Variants in GPC5 observed in about 807,000 individuals in gnomAD.
GPC5 encodes the protein glypican-5.
Under a neutral mutation model 53.9 loss-of-function variants are expected in GPC5, and 47 were observed. The observed-to-expected ratio is 0.87, with a 90% confidence interval of 0.69 to 1.11. The LOEUF (loss-of-function observed/expected upper bound fraction) is 1.11. Among genes scored for constraint, GPC5 ranks in the 50% most tolerant of loss-of-function variants. The pLI, the probability that GPC5 is intolerant of heterozygous loss-of-function variation, is 0.00. For missense variants in GPC5, 748 were observed against 713.1 expected (o/e 1.05, Z -0.56); for synonymous variants, 286 against 263.3 (o/e 1.09, Z -0.84).
chr13:92,331,570 T>C (rs1926636), intron 7 of GPC5, among the ~76,000 whole-genome samples: 116,348 of 152,118 alleles, frequency 0.76, 45,756 homozygotes, highest in African/African-American at 0.95. Context: ...GCAGTGTTAA[T>C]AACTGGTAAG....
intron 7 of GPC5, among the ~76,000 whole-genome samples, chr13:92,433,166 T>C (rs1566588455): frequency 6.6e-6 from 1 of 151,328 alleles, no homozygotes; most frequent in Non-Finnish European, 1.5e-5. Context: ...AGAAGAAAAA[T>C]AGAATATTTG....
At chr13:91,808,792 C>G (rs1307500963) in intron 5 of GPC5, among the ~76,000 whole-genome samples, 1 of 152,134 alleles carries the variant, frequency 6.6e-6, no homozygotes, top group Non-Finnish European at 1.5e-5. Context: ...GTCCCTGCCA[C>G]TCACATAGAA....
intron 2 of GPC5, among the ~76,000 whole-genome samples, chr13:91,546,799 C>T (rs1953618): frequency 1 from 152,175 of 152,214 alleles, 76,068 homozygotes; most frequent in Middle Eastern, 1. Flanking sequence ...TTGAAAGAAG[C>T]TTATTAAGTG....
chr13:92,155,625 G>A (rs1017599001), intron 7 of GPC5, among the ~76,000 whole-genome samples: 1 of 151,684 alleles, frequency 6.6e-6, no homozygotes, highest in Non-Finnish European at 1.5e-5. Context: ...TTTGATCTTC[G>A]CTCAAATTCT....
intron 7 of GPC5, among the ~76,000 whole-genome samples, chr13:92,200,660 C>G (rs72636821): frequency 0.16 from 23,614 of 152,252 alleles, 2,012 homozygotes; most frequent in Middle Eastern, 0.19. Context: ...TCTAAAAATT[C>G]CAGCTTTCAG....
intron 1 of GPC5, among the ~76,000 whole-genome samples, chr13:91,423,284 T>C (rs897851310): frequency 1.3e-5 from 2 of 152,264 alleles, no homozygotes; most frequent in Admixed American, 1.3e-4. Context: ...AGCTTTTTAG[T>C]AGACATTTGT....
intron 2 of GPC5, among the ~76,000 whole-genome samples, chr13:91,566,323 T>C (rs145209878): frequency 0.06 from 9,197 of 152,192 alleles, 357 homozygotes; most frequent in Non-Finnish European, 0.086. Flanking sequence ...CCCAGCACTT[T>C]GGGAGGCTGA....
At chr13:91,793,620 T>C (rs115789508) in intron 5 of GPC5, among the ~76,000 whole-genome samples, 2,134 of 152,220 alleles carry the variant, frequency 0.014, 45 homozygotes, top group African/African-American at 0.048. Flanking sequence ...ATTTTCACAC[T>C]GCTATAAAGA....
intron 2 of GPC5, among the ~76,000 whole-genome samples, chr13:91,653,333 A>T (rs2034764248): frequency 6.6e-6 from 1 of 152,118 alleles, no homozygotes; most frequent in Admixed American, 6.5e-5. Flanking sequence ...CAAACAATTG[A>T]ACTCATGAAC....
chr13:91,964,168 A>C (rs2040156408), intron 6 of GPC5, among the ~76,000 whole-genome samples: 1 of 152,140 alleles, frequency 6.6e-6, no homozygotes, highest in Non-Finnish European at 1.5e-5. Context: ...TTCAGGATTG[A>C]AGCTGCAGAC....
At chr13:92,507,451 TA>T (rs1470675981) in intron 7 of GPC5, among the ~76,000 whole-genome samples, 1 of 152,218 alleles carries the variant, frequency 6.6e-6, no homozygotes, top group Non-Finnish European at 1.5e-5. Flanking sequence ...TCTCTACAAA[TA>T]TTTTTTTCAT....
At position 92,443,194 on chromosome 13, in the gene GPC5, A is replaced by G. The variant is rs867565505; in HGVS notation, c.1561+298205A>G. ...GGGAGGAAGTCCCAGGCTCTTTCTA[A>G]CAGTGAGCTCTCACATGAACTCATA... On this transcript the variant is annotated intron_variant, in intron 7 of 7. Transcript: ENST00000377067. 3.9e-5 allele frequency among the ~76,000 whole-genome samples: 6 copies of G among 152,262 alleles called. No homozygotes were observed. The South Asian group carries it at 6.2e-4, about 16-fold the overall frequency.
intron 7 of GPC5, among the ~76,000 whole-genome samples, chr13:92,433,060 A>C (rs1477241468): frequency 6.6e-6 from 1 of 152,200 alleles, no homozygotes; most frequent in Non-Finnish European, 1.5e-5. Flanking sequence ...AAGGAGAATG[A>C]GTAGACAAAG....
intron 7 of GPC5, among the ~76,000 whole-genome samples, chr13:92,267,619 T>G (rs2139150468): frequency 6.6e-6 from 1 of 152,246 alleles, no homozygotes; most frequent in South Asian, 2.1e-4. Context: ...TTCATGCTTT[T>G]TAAAATTAAG....
At chr13:91,535,023 G>A (rs1426782467) in intron 2 of GPC5, among the ~76,000 whole-genome samples, 1 of 152,106 alleles carries the variant, frequency 6.6e-6, no homozygotes, top group Non-Finnish European at 1.5e-5. Context: ...TAAATGGCCT[G>A]TGAAGACTCT....
At chr13:92,277,208 C>T (rs1023784052) in intron 7 of GPC5, among the ~76,000 whole-genome samples, 1 of 151,702 alleles carries the variant, frequency 6.6e-6, no homozygotes, top group African/African-American at 2.4e-5. Flanking sequence ...GAATTGACAC[C>T]CACCATGGGT....
chr13:92,078,253 G>A (rs1319866249), intron 6 of GPC5, among the ~76,000 whole-genome samples: 1 of 152,116 alleles, frequency 6.6e-6, no homozygotes, highest in African/African-American at 2.4e-5. Context: ...GACATTTCAC[G>A]TCATTTTACA....
chr13:92,652,045 A>T lies in GPC5; in HGVS notation c.1562-214237A>T, dbSNP rs1265729650. ...TACACCCAAATATTTGAAGAGGTAC[A>T]TACTAAAGTGTGGTTACATTAAAGA... On this transcript the variant is annotated intron_variant, in intron 7 of 7. Coordinates refer to ENST00000377067, the MANE Select transcript of GPC5 (RefSeq NM_004466.6). Among the ~76,000 whole-genome samples the T allele has an allele frequency of 2.0e-5, 3 of 152,336 alleles. No homozygotes were observed. In the East Asian group the frequency reaches 5.8e-4, roughly 29 times the overall value.
intron 2 of GPC5, among the ~76,000 whole-genome samples, chr13:91,663,554 C>G (rs142470001): frequency 6.6e-6 from 1 of 152,234 alleles, no homozygotes; most frequent in East Asian, 1.9e-4. Flanking sequence ...TATTCCTAGG[C>G]TCAAGTGATC....
Sources: allele counts gnomAD v4.1 joint callset (sites outside exome capture counted in the v4.1 genomes callset), GRCh38; gene constraint gnomAD v4.1.1; transcripts MANE v1.5; gene names NCBI Gene and HGNC (gene_info 2026-07-23, HGNC 2026-07-21).